THRAP3: variants seen among roughly 807,000 people sequenced by gnomAD.
THRAP3 encodes the protein thyroid hormone receptor associated protein 3.
In THRAP3, 16 loss-of-function variants were observed where a neutral mutation model predicts 101.0. The ratio of observed to expected loss-of-function variants is 0.16; its 90% CI spans 0.11 to 0.24. THRAP3 has a LOEUF of 0.24. Among genes scored for constraint, THRAP3 ranks in the 10% least tolerant of loss-of-function variants. THRAP3 has a pLI of 1.00. For missense variants in THRAP3, 989 were observed against 1,202.7 expected (o/e 0.82, Z 2.63); for synonymous variants, 407 against 422.6 (o/e 0.96, Z 0.45).
chr1:36,249,692 G>A (rs1570262825), intron 1 of THRAP3, among the ~76,000 whole-genome samples: 1 of 144,126 alleles, frequency 6.9e-6, no homozygotes, highest in African/African-American at 2.9e-5. Context: ...GTGAGTGTGT[G>A]TGTGTGTGTG....
chr1:36,231,200 A>T (rs1052518010), intron 1 of THRAP3, among the ~76,000 whole-genome samples: 2 of 143,914 alleles, frequency 1.4e-5, no homozygotes, highest in Non-Finnish European at 3.0e-5. Context: ...GTTTCTTCTT[A>T]AAAAAAAAAA....
At chr1:36,212,328 G>A in the THRAP3 span, among the ~76,000 whole-genome samples, 1 of 152,078 alleles carries the variant, frequency 6.6e-6, no homozygotes, top group South Asian at 2.1e-4. Flanking sequence ...GGGGGCCAAG[G>A]AAATGAAATG....
the THRAP3 span, among the ~76,000 whole-genome samples, chr1:36,207,734 G>A: frequency 6.6e-6 from 1 of 152,168 alleles, no homozygotes; most frequent in African/African-American, 2.4e-5. Flanking sequence ...AACAAAAAGA[G>A]GAGTTCAGGC....
At chr1:36,247,914 A>C (rs1570259216) in intron 1 of THRAP3, among the ~76,000 whole-genome samples, 2 of 118,476 alleles carry the variant, frequency 1.7e-5, no homozygotes, top group South Asian at 2.5e-4. Context: ...TTGCTCTGTC[A>C]CCCCGCCCAG....
At position 36,274,431 on chromosome 1, in the gene THRAP3, A is replaced by T. The variant is rs1421481776; in HGVS notation, c.-31-8102A>T. Among the ~76,000 whole-genome samples the T allele has an allele frequency of 2.6e-5, 4 of 152,286 alleles. No homozygotes were observed. The East Asian group carries it at 7.7e-4, about 29-fold the overall frequency. On this transcript the variant is annotated intron_variant, in intron 2 of 11. Transcript: ENST00000354618. ...AATTGGCATGCTGATTCTAAAATTCATATGGACATGTACCTAGAATAGCCA... is the reference window on the plus strand; with the variant it reads ...AATTGGCATGCTGATTCTAAAATTCTTATGGACATGTACCTAGAATAGCCA...
intron 1 of THRAP3, among the ~76,000 whole-genome samples, chr1:36,253,027 CT>C (rs914309700): frequency 7.2e-6 from 1 of 139,278 alleles, no homozygotes; most frequent in Non-Finnish European, 1.5e-5. Context: ...TGGAATTCTG[CT>C]TTTGGGGAGT....
chr1:36,208,450 C>T, the THRAP3 span, among the ~76,000 whole-genome samples: 1 of 151,926 alleles, frequency 6.6e-6, no homozygotes. Context: ...CTCTCATCTC[C>T]ATCTCACCCC....
intron 11 of THRAP3, among the ~76,000 whole-genome samples, chr1:36,302,670 C>A (rs1328740786): frequency 6.6e-6 from 1 of 152,112 alleles, no homozygotes; most frequent in Non-Finnish European, 1.5e-5. Context: ...CAGCCTAAGA[C>A]CCTAGCTTTT....
intron 8 of THRAP3, among the ~76,000 whole-genome samples, chr1:36,294,554 GTATT>G (rs1645920868): frequency 6.6e-6 from 1 of 152,164 alleles, no homozygotes; most frequent in African/African-American, 2.4e-5. Context: ...AAAAATCTTA[GTATT>G]TATTGATCTT....
chr1:36,255,924 C>T (rs374516232), intron 1 of THRAP3, among the ~76,000 whole-genome samples: 1 of 152,040 alleles, frequency 6.6e-6, no homozygotes, highest in African/African-American at 2.4e-5. Context: ...GAAACTATAT[C>T]GTCGTTTAAG....
rs751815261 is a variant in THRAP3, at chr1:36,293,881, A to C, written c.2061A>C (p.Arg687Ser). Residue 687 changes from arginine to serine, a missense_variant, in exon 8 of 12, where the codon AGA becomes AGC. Coordinates refer to ENST00000354618, the MANE Select transcript of THRAP3 (RefSeq NM_005119.4). Reference sequence around the variant, plus strand: ...TAGACATTTCCCCCAGTACATTCAGAAAACATGGTTTGGCTCATGATGAAA... The same window carrying C: ...TAGACATTTCCCCCAGTACATTCAGCAAACATGGTTTGGCTCATGATGAAA... Reference protein sequence around the residue: ...RRIDISPSTFRKHGLAHDEMK... With the variant: ...RRIDISPSTFSKHGLAHDEMK... The C allele has an allele frequency of 1.1e-5, 17 of 1,613,752 alleles. No individual in the cohort carries two copies. The South Asian group carries it at 1.8e-4, about 17-fold the overall frequency.
At chr1:36,237,603 T>A (rs1465285381) in intron 1 of THRAP3, among the ~76,000 whole-genome samples, 1 of 151,830 alleles carries the variant, frequency 6.6e-6, no homozygotes, top group African/African-American at 2.4e-5. Flanking sequence ...AAACCCCCTC[T>A]CTACTAAAAA....
At position 36,301,661 on chromosome 1, in the gene THRAP3, C is replaced by T. The variant is rs1222606865; in HGVS notation, c.2611C>T (p.Pro871Ser). ...QKRNREEEWD[P>S]EYTPKSKKYY... ...AAGAAACCGGGAAGAGGAGTGGGAC[C>T]CAGAGTACACACCCAAAAGCAAGAA... Residue 871 changes from proline to serine, a missense_variant, in exon 11 of 12, where the codon CCA (proline) becomes TCA (serine). By Grantham distance (74) the Pro-to-Ser change is moderately conservative. Coordinates refer to ENST00000354618, the MANE Select transcript of THRAP3 (RefSeq NM_005119.4). The T allele has an allele frequency of 6.2e-7, 1 of 1,614,046 alleles. No homozygotes were observed. The highest frequency in any genetic ancestry group is 1.7e-5 in the Admixed American group (1 of 60,010).
intron 1 of THRAP3, among the ~76,000 whole-genome samples, chr1:36,228,111 A>G (rs1472434051): frequency 7.2e-6 from 1 of 139,160 alleles, no homozygotes; most frequent in African/African-American, 2.8e-5. Flanking sequence ...CAGTGGCACT[A>G]TCTTGGCTCA....
At position 36,286,934 on chromosome 1, in the gene THRAP3, G is replaced by A. The variant is rs1217188626; in HGVS notation, c.704G>A (p.Arg235Gln). The change falls in exon 4 of 12, where the codon CGG (arginine) becomes CAG (glutamine). Residue 235 changes from arginine to glutamine, a missense_variant. Coordinates refer to ENST00000354618, the MANE Select transcript of THRAP3 (RefSeq NM_005119.4). This position sits in a 1 kb window ranked among gnomAD's most constrained non-coding sequence, Gnocchi z 5.5. ...DATYGTGSAS[R>Q]ASAVSELSPR... ...ACCTACGGCACTGGTTCTGCATCAC[G>A]GGCCTCAGCAGTTTCTGAGCTGAGT... 3 of 1,614,086 alleles carry A rather than the reference G, an allele frequency of 1.9e-6. No individual in the cohort carries two copies. The highest frequency in any genetic ancestry group is 2.5e-6 in the Non-Finnish European group (3 of 1,180,050).
At chr1:36,246,221 T>C (rs1311004533) in intron 1 of THRAP3, among the ~76,000 whole-genome samples, 1 of 152,164 alleles carries the variant, frequency 6.6e-6, no homozygotes, top group Non-Finnish European at 1.5e-5. Flanking sequence ...AACAGTATTA[T>C]ATCTGTGAGA....
intron 2 of THRAP3, among the ~76,000 whole-genome samples, chr1:36,279,893 G>C (rs992985420): frequency 6.6e-6 from 1 of 152,194 alleles, no homozygotes; most frequent in South Asian, 2.1e-4. Context: ...AACTTGGTAA[G>C]GGTGGACACT....
intron 2 of THRAP3, among the ~76,000 whole-genome samples, chr1:36,270,024 A>G (rs1375981905): frequency 6.6e-6 from 1 of 152,228 alleles, no homozygotes; most frequent in Non-Finnish European, 1.5e-5. Context: ...TTGAAGCTGG[A>G]TGATGGAAAC....
At position 36,237,660 on chromosome 1, in the gene THRAP3, A is replaced by G. The variant is rs567555186; in HGVS notation, c.-135+13155A>G. The stretch of plus-strand genomic sequence containing the variant: ...GTGGCGGGCGCCTGTAATCCCAGCT[A>G]CTTGGGAGTCTGAGGCCGGAGAATT... On this transcript the variant is annotated intron_variant, in intron 1 of 11. Coordinates refer to ENST00000354618, the MANE Select transcript of THRAP3 (RefSeq NM_005119.4). Among the ~76,000 whole-genome samples, 20 of 152,058 alleles carry G rather than the reference A, an allele frequency of 1.3e-4. No individual in the cohort carries two copies. The South Asian group carries it at 3.9e-3, about 30-fold the overall frequency.
Sources: allele counts gnomAD v4.1 joint callset (sites outside exome capture counted in the v4.1 genomes callset), GRCh38; gene constraint gnomAD v4.1.1; non-coding constraint Gnocchi (gnomAD v3.1); transcripts MANE v1.5; gene names NCBI Gene and HGNC (gene_info 2026-07-23, HGNC 2026-07-21).